ATP2B3: variants seen among roughly 807,000 people sequenced by gnomAD.
ATP2B3 encodes plasma membrane calcium-transporting ATPase 3.
ATP2B3 carries 12 observed loss-of-function variants against 70.8 expected under a neutral mutation model. The observed-to-expected ratio is 0.17, with a 90% CI of 0.11 to 0.27. The LOEUF (loss-of-function observed/expected upper bound fraction) is 0.27, where lower values mean the gene tolerates loss of function less well. Among genes scored for constraint, ATP2B3 ranks in the 10% least tolerant of loss-of-function variants. The probability of loss-of-function intolerance (pLI) is 1.00; values close to 1 mark genes in which losing one functional copy is unlikely to be tolerated. For missense variants in ATP2B3, 858 were observed against 1,118.5 expected (o/e 0.77, Z 3.32); for synonymous variants, 460 against 497.8 (o/e 0.92, Z 1.01).
At position 153,549,551 on chromosome X, in the gene ATP2B3, G is replaced by A. The variant is rs1469213900; in HGVS notation, c.1393G>A (p.Gly465Ser). 1.7e-6 allele frequency: 2 copies of A among 1,210,839 alleles called. No individual in the cohort carries two copies. Among genetic ancestry groups the A allele is most frequent in the African/African-American group, 1.7e-5 (1 of 57,399 alleles). Residue 465 changes from glycine to serine, a missense_variant, in exon 11 of 22, where the codon GGC (glycine) becomes AGC (serine). By Grantham distance (56) the Gly-to-Ser change is moderately conservative. This residue lies in a region of ATP2B3 where 23 missense variants were observed against 59.0 expected (regional missense o/e 0.39). Transcript: ENST00000263519. ...CCACCTGGATGCCTGCGAGACCATGGGCAACGCCACAGCCATCTGCTCCGA... is the reference window on the plus strand; with the variant it reads ...CCACCTGGATGCCTGCGAGACCATGAGCAACGCCACAGCCATCTGCTCCGA... ...VRHLDACETM[G>S]NATAICSDKT...
Position 153,547,929 on chromosome X carries a change from C to G in ATP2B3, c.1053C>G (p.Asn351Lys). 1 of 1,210,803 alleles carries G rather than the reference C, an allele frequency of 8.3e-7. No homozygotes were observed. Among genetic ancestry groups the G allele is most frequent in the Non-Finnish European group, 1.1e-6 (1 of 894,985 alleles). Residue 351 changes from asparagine (N) to lysine (K), a missense_variant, in exon 9 of 22, where the codon AAC (asparagine) becomes AAG (lysine). Asn to Lys is a moderately conservative substitution (Grantham distance 94). Around this residue, in one of 5 missense-constraint regions of ATP2B3, gnomAD observed 278 missense variants for 366.2 expected, o/e 0.76. Transcript: ENST00000263519. The part of the protein sequence containing the change: ...EMEEREKKKA[N>K]APKKEKSVLQ... The stretch of plus-strand genomic sequence containing the variant: ...AGGAGCGGGAGAAGAAGAAAGCCAA[C>G]GCACCCAAAAAGGAGAAGTCTGTCC...
chrX:153,541,461 A>G lies in ATP2B3; in HGVS notation c.311A>G (p.Glu104Gly), dbSNP rs1264718326. 1 of 1,210,031 alleles carries G rather than the reference A, an allele frequency of 8.3e-7. No homozygotes were observed. The highest frequency in any genetic ancestry group is 1.1e-6 in the Non-Finnish European group (1 of 895,221). ...QPKTFLQLVW[E>G]ALQDVTLIIL... ...AAGACCTTCCTGCAGCTGGTGTGGG[A>G]GGCCCTGCAGGACGTGACCCTCATC... The change falls in exon 4 of 22, where the codon GAG becomes GGG. Residue 104 changes from glutamate to glycine, a missense_variant. Physicochemically the swap from Glu to Gly is moderately conservative, Grantham distance 98. Around this residue, in one of 5 missense-constraint regions of ATP2B3, gnomAD observed 278 missense variants for 366.2 expected, o/e 0.76. Transcript: ENST00000263519.
rs1217324681 is a variant in ATP2B3 at position 153,536,177 on chromosome X, C to G, written c.-71C>G. On this transcript the variant is annotated 5_prime_UTR_variant, in exon 3 of 22. Transcript: ENST00000263519. Reference sequence around the variant, plus strand: ...GCCAAACCTTGCCTGGGCACTGGGACCGTGGGTGGCCGCCTGTCCCTAGCT... The same window carrying G: ...GCCAAACCTTGCCTGGGCACTGGGAGCGTGGGTGGCCGCCTGTCCCTAGCT... 8.9e-6 allele frequency: 10 copies of G among 1,123,554 alleles called. No individual in the cohort carries two copies. Among genetic ancestry groups the G allele is most frequent in the Non-Finnish European group, 1.1e-5 (9 of 833,718 alleles). The allele number at this position is 1,123,554 out of a possible 1,213,427, so 92.6% of individuals were successfully genotyped here.
At chrX:153,541,309 G>A (rs782312883) in intron 3 of ATP2B3, 50 bp from the exon 4 acceptor site, 8 of 1,198,822 alleles carry the variant, frequency 6.7e-6, no homozygotes, top group South Asian at 3.6e-5. Flanking sequence ...ACACAAGGCC[G>A]ACCCGTCCCA....
At chrX:153,538,852 G>T (rs1021317475) in intron 3 of ATP2B3, among the ~76,000 whole-genome samples, 1 of 113,267 alleles carries the variant, frequency 8.8e-6, no homozygotes, top group African/African-American at 3.2e-5. Context: ...AAGGAGAAAC[G>T]AGCAAGGCTA....
chrX:153,581,993 T>C lies in ATP2B3; in HGVS notation c.*1695T>C, dbSNP rs2090926361. Reference sequence around the variant, plus strand: ...ATGGGGGACCCTTGCCTTCCACACTTGCAGGTGTCACGTTTTGCAGGGAGG... The same window carrying C: ...ATGGGGGACCCTTGCCTTCCACACTCGCAGGTGTCACGTTTTGCAGGGAGG... On this transcript the variant is annotated 3_prime_UTR_variant, in exon 22 of 22. Coordinates refer to ENST00000263519, the MANE Select transcript of ATP2B3 (RefSeq NM_001001344.3). 8.9e-6 allele frequency: 1 copy of C among 112,284 alleles called. No homozygotes were observed. The highest frequency in any genetic ancestry group is 3.2e-5 in the African/African-American group (1 of 30,858). The allele number at this position is 112,284 out of a possible 1,213,427, so 9.3% of individuals were successfully genotyped here. A position where few individuals can be genotyped will look rare whatever the true frequency, so the allele number is the denominator to read the frequency against.
intron 13 of ATP2B3, among the ~76,000 whole-genome samples, chrX:153,554,517 G>C (rs145448684): frequency 0.026 from 2,982 of 112,828 alleles, 80 homozygotes; most frequent in African/African-American, 0.089. Context: ...GCCAGGCTGC[G>C]GAGGCTGGGC....
In ATP2B3 at chrX:153,550,114, G is replaced by A. The variant is rs1428716008; in HGVS notation, c.1651G>A (p.Val551Ile). 2.5e-6 allele frequency: 3 copies of A among 1,212,610 alleles called. No homozygotes were observed. The highest frequency in any genetic ancestry group is 1.8e-5 in the South Asian group (1 of 57,061). ...NKTECALLGF[V>I]LDLKRDFQPV... ...GACGGAGTGCGCCCTGCTGGGCTTC[G>A]TCTTGGACCTGAAGCGGGACTTCCA... The change falls in exon 12 of 22, where the codon GTC becomes ATC. Residue 551 changes from valine (V) to isoleucine (I), a missense_variant. Around this residue, in one of 5 missense-constraint regions of ATP2B3, gnomAD observed 242 missense variants for 281.3 expected, o/e 0.86. Transcript: ENST00000263519.
chrX:153,553,525 A>G (rs2090489884), intron 13 of ATP2B3, among the ~76,000 whole-genome samples: 1 of 112,020 alleles, frequency 8.9e-6, no homozygotes, highest in Admixed American at 9.4e-5. Flanking sequence ...GCAGTGGCGG[A>G]GAGACCGTCG....
chrX:153,582,525 T>C lies in ATP2B3; in HGVS notation c.*2227T>C, dbSNP rs986712606. 4 of 112,751 alleles carry C rather than the reference T, an allele frequency of 3.5e-5. No homozygotes were observed. Among genetic ancestry groups the C allele is most frequent in the African/African-American group, 1.3e-4 (4 of 30,969 alleles). The allele number at this position is 112,751 out of a possible 1,213,427, so 9.3% of individuals were successfully genotyped here. On this transcript the variant is annotated 3_prime_UTR_variant, in exon 22 of 22. Coordinates refer to ENST00000263519, the MANE Select transcript of ATP2B3 (RefSeq NM_001001344.3). ...ACCGATAGGACCAATGGCCAATAGA[T>C]ATTAAAAGCAAACCCTCACTGCTGC... is the stretch of plus-strand genomic sequence containing the variant.
intron 2 of ATP2B3, chrX:153,533,276 G>A (rs1245557466): frequency 2.7e-5 from 3 of 111,915 alleles, no homozygotes; most frequent in Admixed American, 9.5e-5. Flanking sequence ...AATGGGTCGC[G>A]GGATTATAGA....
At chrX:153,575,196 G>A (rs2090840404) in intron 21 of ATP2B3, among the ~76,000 whole-genome samples, 1 of 112,798 alleles carries the variant, frequency 8.9e-6, no homozygotes, top group Non-Finnish European at 1.9e-5. Flanking sequence ...GAGGGCCGAA[G>A]CCAGCACAGG....
At chrX:153,538,639 C>T (rs2090231736) in intron 3 of ATP2B3, among the ~76,000 whole-genome samples, 1 of 113,190 alleles carries the variant, frequency 8.8e-6, no homozygotes, top group Admixed American at 9.2e-5. Context: ...CTGATGGCAT[C>T]TGGCCTCTGC....
At chrX:153,577,174 C>G (rs1406315226) in intron 21 of ATP2B3, among the ~76,000 whole-genome samples, 1 of 113,201 alleles carries the variant, frequency 8.8e-6, no homozygotes, top group African/African-American at 3.2e-5. Context: ...AAGCCACAAA[C>G]AAGGCAGATG....
At chrX:153,578,885 C>G (rs2090890287) in intron 21 of ATP2B3, among the ~76,000 whole-genome samples, 2 of 112,306 alleles carry the variant, frequency 1.8e-5, no homozygotes, top group Non-Finnish European at 3.8e-5. Context: ...TGAACCAGAC[C>G]CAGTCAGACA....
intron 8 of ATP2B3, among the ~76,000 whole-genome samples, chrX:153,546,725 C>T (rs1557008884): frequency 8.8e-6 from 1 of 113,167 alleles, no homozygotes; most frequent in African/African-American, 3.2e-5. Flanking sequence ...TCGGCCAATG[C>T]AGCAGCCAGC....
At chrX:153,533,129 G>A (rs1229958252) in intron 2 of ATP2B3, 1 of 111,561 alleles carries the variant, frequency 9.0e-6, no homozygotes, top group African/African-American at 3.3e-5. Context: ...CATTCCTCCA[G>A]GCCCCCGGCC....
At chrX:153,533,644 G>A (rs1233045522) in intron 2 of ATP2B3, among the ~76,000 whole-genome samples, 1 of 111,653 alleles carries the variant, frequency 9.0e-6, no homozygotes, top group African/African-American at 3.3e-5. Flanking sequence ...GCTGAGGGGT[G>A]GGGATCCTGC....
At chrX:153,528,419 T>C (rs1276324699) in intron 2 of ATP2B3, among the ~76,000 whole-genome samples, 1 of 111,569 alleles carries the variant, frequency 9.0e-6, no homozygotes, top group Non-Finnish European at 1.9e-5. Context: ...TCATCTCCCT[T>C]CTGCCTCAGC....
Sources: allele counts gnomAD v4.1 joint callset (sites outside exome capture counted in the v4.1 genomes callset), GRCh38; gene constraint gnomAD v4.1.1; regional missense constraint gnomAD v4.1.1; transcripts MANE v1.5; gene names NCBI Gene and HGNC (gene_info 2026-07-23, HGNC 2026-07-21).